The following HCN2 variants were observed in gnomAD, a reference collection of about 807,000 sequenced individuals.
HCN2 encodes potassium/sodium hyperpolarization-activated cyclic nucleotide-gated channel 2.
A neutral mutation model predicts 52.3 loss-of-function variants in HCN2; 20 were observed. That is an observed-to-expected ratio of 0.38 (90% CI 0.27 to 0.56). The LOEUF (loss-of-function observed/expected upper bound fraction) is 0.56. HCN2 is among the 20% of genes least tolerant of loss of function. HCN2 has a pLI of 0.71. For missense variants in HCN2, 981 were observed against 1,207.7 expected, an observed-to-expected ratio of 0.81 and a Z score of 2.78; for synonymous variants, 694 against 537.0, an observed-to-expected ratio of 1.29 and a Z score of -4.04.
chr19:610,183 A>G, intron 4 of HCN2, 76 bp from the exon 5 acceptor site: 1 of 1,502,572 alleles, frequency 6.7e-7, no homozygotes, highest in Non-Finnish European at 9.0e-7. Context: ...TCGCCTCCCC[A>G]CAGTACAAGC....
At chr19:596,873 T>C (rs893432364) in intron 1 of HCN2, among the ~76,000 whole-genome samples, 6 of 152,000 alleles carry the variant, frequency 3.9e-5, no homozygotes, top group Non-Finnish European at 5.9e-5. Flanking sequence ...CCAAGGTCAC[T>C]CAGTCTAGTG....
rs55839339 is a variant in HCN2, at chr19:605,093, G to A, written c.1089G>A (p.Ala363=). The A allele has an allele frequency of 0.018, 28,912 of 1,611,848 alleles. 315 individuals carry two copies. Among genetic ancestry groups the A allele is most frequent in the Non-Finnish European group, 0.021 (24,570 of 1,179,476 alleles). The change falls in exon 3 of 8, where the codon GCG becomes GCA. Residue 363 remains alanine, a synonymous_variant. Coordinates refer to ENST00000251287, the MANE Select transcript of HCN2 (RefSeq NM_001194.4). The part of the protein sequence containing the change: ...IFHMTYDLAS[A]VMRICNLISM... Reference sequence around the variant, plus strand: ...ACATGACCTATGACCTGGCCAGCGCGGTGATGAGGATCTGCAATCTCATCA... The same window carrying A: ...ACATGACCTATGACCTGGCCAGCGCAGTGATGAGGATCTGCAATCTCATCA...
At chr19:602,793 G>C (rs1034300003) in intron 1 of HCN2, among the ~76,000 whole-genome samples, 1 of 152,218 alleles carries the variant, frequency 6.6e-6, no homozygotes, top group East Asian at 1.9e-4. Flanking sequence ...GAGGTCTCCT[G>C]CATCTTCAAG....
chr19:604,857 G>GTT (rs1429433054), intron 2 of HCN2, among the ~76,000 whole-genome samples: 80 of 55,596 alleles, frequency 1.4e-3, no homozygotes, highest in African/African-American at 0.011. Flanking sequence ...TGTAGAGGTG[G>GTT]GCGGGGTCCT....
intron 1 of HCN2, among the ~76,000 whole-genome samples, chr19:600,260 C>A (rs533564357): frequency 1.3e-5 from 2 of 152,302 alleles, no homozygotes; most frequent in Admixed American, 1.3e-4. Flanking sequence ...GCAACCTCCA[C>A]CTCCCGGGTT....
chr19:609,156 A>G (rs1166982839), intron 4 of HCN2, among the ~76,000 whole-genome samples: 1 of 152,078 alleles, frequency 6.6e-6, no homozygotes, highest in Non-Finnish European at 1.5e-5. Flanking sequence ...ACCCAAACAT[A>G]AGCTGGTGCC....
chr19:605,316 C>G (rs116852794), intron 3 of HCN2, 94 bp downstream of exon 3: 106,117 of 1,109,922 alleles, frequency 0.096, 9,110 homozygotes, highest in South Asian at 0.17. Flanking sequence ...AGGGTTGAAC[C>G]CAAGCCTTTC....
rs372095277 is a variant in HCN2 at position 595,733 on chromosome 19, TCC to T, written c.632+5160_632+5161del. ...CGGGATCACCCGGGAACCCGAGATCTCCCCCACCCGTAGCAGCTCCCTTTCTT... is the reference window on the plus strand; with the variant it reads ...CGGGATCACCCGGGAACCCGAGATCTCCCACCCGTAGCAGCTCCCTTTCTT... On this transcript the variant is annotated intron_variant, in intron 1 of 7. Transcript: ENST00000251287. 3.2e-4 allele frequency among the ~76,000 whole-genome samples: 49 copies of T among 152,188 alleles called. 1 individual carries two copies. The East Asian group carries it at 8.1e-3, about 25-fold the overall frequency.
chr19:607,149 C>T (rs916622480), intron 3 of HCN2, among the ~76,000 whole-genome samples: 6 of 151,710 alleles, frequency 4.0e-5, no homozygotes, highest in South Asian at 2.1e-4. Flanking sequence ...CCAGCCTGGG[C>T]GACAAGAGCG....
chr19:613,798 G>A (rs1983774362), intron 6 of HCN2, 54 bp from the exon 7 acceptor site: 2 of 1,438,346 alleles, frequency 1.4e-6, no homozygotes, highest in African/African-American at 1.5e-5. Flanking sequence ...CCTGGGCGGG[G>A]AGGGCCGCGG....
At position 592,606 on chromosome 19, in the gene HCN2, G is replaced by A. The variant is rs962604240; in HGVS notation, c.632+2029G>A. Among the ~76,000 whole-genome samples the A allele has an allele frequency of 6.6e-6, 1 of 152,114 alleles. No homozygotes were observed. The highest frequency in any genetic ancestry group is 1.9e-4 in the East Asian group (1 of 5,184). On this transcript the variant is annotated intron_variant, in intron 1 of 7. Coordinates refer to ENST00000251287, the MANE Select transcript of HCN2 (RefSeq NM_001194.4). The surrounding 1 kb of genome is among the most constrained non-coding windows in gnomAD (Gnocchi z 4.8). ...TGAGCAGGCAGGGAATGGGGTTAGC[G>A]GGGCCTGTCTTCGGGACTAGGGGAG... is the stretch of plus-strand genomic sequence containing the variant.
At chr19:604,668 GCGGGGTCAGGCAGCAGGGGCGGGGCAAT>G (rs1210270596) in intron 2 of HCN2, among the ~76,000 whole-genome samples, 86 of 139,344 alleles carry the variant, frequency 6.2e-4, no homozygotes, top group East Asian at 2.4e-3. Flanking sequence ...GTTGTGCTGG[GCGGGGTCAGGCAGCAGGGGCGGGGCAAT>G]GCGGGTTTTG....
chr19:615,899 C>A lies in HCN2; in HGVS notation c.2095C>A (p.Arg699Ser). ...CATCCAGGAGATCGTCAAGTACGAC[C>A]GCGAGATGGTGCAGCAGGCCGAGCT... ...AIIQEIVKYD[R>S]EMVQQAELGQ... The change falls in exon 8 of 8, where the codon CGC becomes AGC. Residue 699 changes from arginine to serine, a missense_variant. By Grantham distance (110) the Arg-to-Ser change is moderately radical (BLOSUM62 -1). Transcript: ENST00000251287. The A allele has an allele frequency of 6.2e-7, 1 of 1,612,638 alleles. No individual in the cohort carries two copies. The highest frequency in any genetic ancestry group is 8.5e-7 in the Non-Finnish European group (1 of 1,179,822).
chr19:604,621 C>T (rs1180818554), intron 2 of HCN2, among the ~76,000 whole-genome samples: 1 of 94,722 alleles, frequency 1.1e-5, no homozygotes, highest in Non-Finnish European at 2.0e-5. Context: ...GAGGGTTGTG[C>T]TGGGCGGGGT....
chr19:608,170 G>C lies in HCN2; in HGVS notation c.1425G>C (p.Gln475His), dbSNP rs200761133. 6.2e-7 allele frequency: 1 copy of C among 1,612,800 alleles called. No individual in the cohort carries two copies. Among genetic ancestry groups the C allele is most frequent in the East Asian group, 2.2e-5 (1 of 44,886 alleles). The part of the protein sequence containing the change: ...LIQSLDSSRR[Q>H]YQEKYKQVEQ... ...AGTCGCTGGACTCCTCGCGGCGCCAGTACCAGGAGAAGGTCTGAGGGAGGC... is the reference window on the plus strand; with the variant it reads ...AGTCGCTGGACTCCTCGCGGCGCCACTACCAGGAGAAGGTCTGAGGGAGGC... The change falls in exon 4 of 8, where the codon CAG (glutamine) becomes CAC (histidine). Residue 475 changes from glutamine (Q) to histidine (H), a missense_variant. Physicochemically the swap from Gln to His is conservative, Grantham distance 24. This residue lies in a region of HCN2 where 282 missense variants were observed against 553.8 expected (regional missense o/e 0.51). Transcript: ENST00000251287.
chr19:613,124 G>A, intron 5 of HCN2, 124 bp from the exon 6 acceptor site: 1 of 1,313,474 alleles, frequency 7.6e-7, no homozygotes, highest in Non-Finnish European at 1.0e-6. Flanking sequence ...TTCCGGCTAC[G>A]GGGCTGAGCC....
At chr19:614,696 A>G (rs539385202) in intron 7 of HCN2, among the ~76,000 whole-genome samples, 127 of 152,016 alleles carry the variant, frequency 8.4e-4, no homozygotes, top group African/African-American at 2.9e-3. Context: ...GAGAGTTTAG[A>G]CTAAATCAGG....
At chr19:612,634 C>T (rs999037965) in intron 5 of HCN2, among the ~76,000 whole-genome samples, 1 of 151,868 alleles carries the variant, frequency 6.6e-6, no homozygotes, top group Non-Finnish European at 1.5e-5. Context: ...AGGCTGGTCT[C>T]GAACTCCTGA....
chr19:590,620 G>T lies in HCN2; in HGVS notation c.632+43G>T. The stretch of plus-strand genomic sequence containing the variant: ...GCCGGTCGGCGCGAGGGGGCCCGGG[G>T]AGCCGGGCGCGCGGGGAGCCGTCCT... On this transcript the variant is annotated intron_variant, in intron 1 of 7. Transcript: ENST00000251287. This position sits in a 1 kb window ranked among gnomAD's most constrained non-coding sequence, Gnocchi z 7.2. 1 of 1,296,922 alleles carries T rather than the reference G, an allele frequency of 7.7e-7. No individual in the cohort carries two copies. Among genetic ancestry groups the T allele is most frequent in the Non-Finnish European group, 9.9e-7 (1 of 1,010,338 alleles). 80.3% of individuals were successfully genotyped at this position (1,296,922 alleles called of 1,614,324 possible).
Sources: allele counts gnomAD v4.1 joint callset (sites outside exome capture counted in the v4.1 genomes callset), GRCh38; gene constraint gnomAD v4.1.1; regional missense constraint gnomAD v4.1.1; non-coding constraint Gnocchi (gnomAD v3.1); transcripts MANE v1.5; gene names NCBI Gene and HGNC (gene_info 2026-07-23, HGNC 2026-07-21).